BNC2: variants seen among roughly 807,000 people sequenced by gnomAD.
BNC2 encodes the protein zinc finger protein basonuclin-2.
A neutral mutation model predicts 76.3 loss-of-function variants in BNC2; 20 were observed. The ratio of observed to expected loss-of-function variants is 0.26; its 90% CI spans 0.18 to 0.38. The LOEUF (loss-of-function observed/expected upper bound fraction) is 0.38. Among genes scored for constraint, BNC2 ranks in the 10% least tolerant of loss-of-function variants. BNC2 has a pLI of 1.00. For missense variants in BNC2, 1,382 were observed against 1,399.8 expected (o/e 0.99, Z 0.20); for synonymous variants, 582 against 514.8 (o/e 1.13, Z -1.77).
At chr9:16,570,531 G>A (rs1018025583) in intron 4 of BNC2, among the ~76,000 whole-genome samples, 3 of 152,108 alleles carry the variant, frequency 2.0e-5, no homozygotes, top group South Asian at 2.1e-4. Flanking sequence ...ATCAGTAACC[G>A]GTGGGATAAA....
At chr9:16,808,847 C>A (rs1466460241) in intron 1 of BNC2, among the ~76,000 whole-genome samples, 5 of 151,930 alleles carry the variant, frequency 3.3e-5, no homozygotes, top group Non-Finnish European at 5.9e-5. Flanking sequence ...AGCAACTAGC[C>A]CAAGGCAAGC....
chr9:16,744,133 A>ATTTTTTTTTT (rs368807707), intron 1 of BNC2, among the ~76,000 whole-genome samples: 1 of 151,124 alleles, frequency 6.6e-6, no homozygotes, highest in African/African-American at 2.4e-5. Flanking sequence ...CGCCCGGCTA[A>ATTTTTTTTTT]TTTTTTTTTG....
intron 4 of BNC2, among the ~76,000 whole-genome samples, chr9:16,581,715 C>G (rs187340530): frequency 6.6e-6 from 1 of 152,092 alleles, no homozygotes; most frequent in Non-Finnish European, 1.5e-5. Flanking sequence ...TGAAGAGAGA[C>G]GAAATCATTG....
At chr9:16,497,845 T>C (rs929175816) in intron 5 of BNC2, among the ~76,000 whole-genome samples, 3 of 152,018 alleles carry the variant, frequency 2.0e-5, no homozygotes, top group African/African-American at 7.2e-5. Context: ...TGTGAACAGA[T>C]AAAGAGACTT....
At chr9:16,511,801 G>A (rs1007894266) in intron 5 of BNC2, among the ~76,000 whole-genome samples, 1 of 152,020 alleles carries the variant, frequency 6.6e-6, no homozygotes, top group Admixed American at 6.6e-5. Context: ...GTAAGCAAAG[G>A]TATTTTTTCA....
chr9:16,660,721 A>C (rs1587285715), intron 3 of BNC2, among the ~76,000 whole-genome samples: 1 of 152,188 alleles, frequency 6.6e-6, no homozygotes, highest in Admixed American at 6.5e-5. Context: ...CCATGAATTC[A>C]ACCAACTGCA....
intron 5 of BNC2, among the ~76,000 whole-genome samples, chr9:16,539,452 AG>A (rs991947734): frequency 2.0e-5 from 3 of 148,954 alleles, no homozygotes; most frequent in African/African-American, 7.4e-5. Context: ...GACTTGAGCC[AG>A]GGAGGTGGAG....
chr9:16,601,314 C>CATTTGG, intron 3 of BNC2, among the ~76,000 whole-genome samples: 1 of 152,116 alleles, frequency 6.6e-6, no homozygotes, highest in African/African-American at 2.4e-5. Context: ...ACCTCGGGCA[C>CATTTGG]CTCATTTGGC....
At chr9:16,697,373 T>C (rs1477005969) in intron 3 of BNC2, among the ~76,000 whole-genome samples, 1 of 151,364 alleles carries the variant, frequency 6.6e-6, no homozygotes, top group Non-Finnish European at 1.5e-5. Context: ...ATTAATTAAT[T>C]AATTAAAGAG....
At chr9:16,479,136 C>T (rs1200949136) in intron 5 of BNC2, among the ~76,000 whole-genome samples, 1 of 151,876 alleles carries the variant, frequency 6.6e-6, no homozygotes, top group Non-Finnish European at 1.5e-5. Context: ...CCTGTAATCC[C>T]AGCTACTCGG....
At chr9:16,575,916 A>G (rs1438918021) in intron 4 of BNC2, among the ~76,000 whole-genome samples, 1 of 152,246 alleles carries the variant, frequency 6.6e-6, no homozygotes, top group Non-Finnish European at 1.5e-5. Context: ...TGGAAAAACT[A>G]AGTCCACTAG....
intron 1 of BNC2, among the ~76,000 whole-genome samples, chr9:16,760,890 G>A (rs1204585546): frequency 4.6e-5 from 7 of 152,134 alleles, no homozygotes; most frequent in Admixed American, 4.6e-4. Context: ...AAAAAAGAAA[G>A]AAAAAAGAAA....
chr9:16,428,249 C>T (rs561920676), intron 6 of BNC2, among the ~76,000 whole-genome samples: 22 of 152,210 alleles, frequency 1.4e-4, no homozygotes, highest in African/African-American at 5.1e-4. Flanking sequence ...TACGAGTGAG[C>T]GAACTGACCC....
intron 4 of BNC2, among the ~76,000 whole-genome samples, chr9:16,569,368 T>C (rs1819255991): frequency 6.6e-6 from 1 of 152,096 alleles, no homozygotes. Context: ...CTACGGATTT[T>C]AATCAACCTC....
intron 3 of BNC2, among the ~76,000 whole-genome samples, chr9:16,693,127 CAAAAAAA>C (rs34223075): frequency 5.0e-5 from 3 of 60,470 alleles, no homozygotes; most frequent in Admixed American, 2.4e-4. Context: ...AAGACAGTCT[CAAAAAAA>C]AAAAAAAAAA....
At chr9:16,656,950 G>C (rs1821948260) in intron 3 of BNC2, among the ~76,000 whole-genome samples, 1 of 152,216 alleles carries the variant, frequency 6.6e-6, no homozygotes, top group African/African-American at 2.4e-5. Context: ...AGAAGGACAA[G>C]TCTAAGCTGA....
rs904872632 is a variant in BNC2, at chr9:16,414,498, A to C, written c.*4491T>G. 6.6e-6 allele frequency: 1 copy of C among 152,238 alleles called. No individual in the cohort carries two copies. The highest frequency in any genetic ancestry group is 1.5e-5 in the Non-Finnish European group (1 of 68,040). 9.4% of individuals were successfully genotyped at this position (152,238 alleles called of 1,614,324 possible). On this transcript the variant is annotated 3_prime_UTR_variant, in exon 7 of 7. Transcript: ENST00000380672. ...TGGGAGAAGATAAGTGATTTTAAAG[A>C]ATGAAATTCGTTTGTCATAATTTTA...
At chr9:16,651,400 C>G (rs1374988702) in intron 3 of BNC2, among the ~76,000 whole-genome samples, 1 of 152,172 alleles carries the variant, frequency 6.6e-6, no homozygotes, top group Admixed American at 6.5e-5. Context: ...CTGACAGATT[C>G]TAAATGCATC....
At chr9:16,426,539 T>C (rs1472669079) in intron 6 of BNC2, among the ~76,000 whole-genome samples, 1 of 152,190 alleles carries the variant, frequency 6.6e-6, no homozygotes, top group Non-Finnish European at 1.5e-5. Context: ...GGTGACACTA[T>C]TTTGTAGGAC....
Sources: gnomAD v4.1 joint callset for allele counts (sites outside exome capture counted in the v4.1 genomes callset) on GRCh38, gnomAD v4.1.1 for gene constraint, MANE v1.5 for transcripts, NCBI Gene and HGNC (gene_info 2026-07-23, HGNC 2026-07-21) for gene names.